The following PPP3CA variants were observed in gnomAD, a reference collection of about 807,000 sequenced individuals.
PPP3CA encodes the protein CAM-PRP catalytic subunit.
A neutral mutation model predicts 66.5 loss-of-function variants in PPP3CA; 14 were observed. The ratio of observed to expected loss-of-function variants is 0.21; its 90% CI spans 0.14 to 0.33. The LOEUF (loss-of-function observed/expected upper bound fraction) is 0.33, where lower values mean the gene tolerates loss of function less well. Ranked by LOEUF, PPP3CA falls within the 10% of genes least tolerant of loss-of-function variation. PPP3CA has a pLI of 1.00. For missense variants in PPP3CA, 317 were observed against 639.5 expected (o/e 0.50, Z 5.44); for synonymous variants, 232 against 226.2 (o/e 1.03, Z -0.23).
intron 1 of PPP3CA, among the ~76,000 whole-genome samples, chr4:101,336,139 C>G (rs1017896818): frequency 1.3e-5 from 2 of 150,218 alleles, no homozygotes; most frequent in African/African-American, 4.9e-5. Context: ...GGCTTGAATC[C>G]AGGAGGCGGA....
intron 2 of PPP3CA, among the ~76,000 whole-genome samples, chr4:101,182,813 T>C (rs1273925006): frequency 6.6e-6 from 1 of 152,118 alleles, no homozygotes; most frequent in Non-Finnish European, 1.5e-5. Flanking sequence ...CTCATGCTGG[T>C]CTCATGATAA....
chr4:101,155,514 G>C (rs966660225), intron 2 of PPP3CA, among the ~76,000 whole-genome samples: 3 of 152,186 alleles, frequency 2.0e-5, no homozygotes, highest in African/African-American at 7.2e-5. Context: ...TCCAAGATCA[G>C]AAAGCAGTAT....
chr4:101,262,937 G>A (rs1462004085), intron 1 of PPP3CA, among the ~76,000 whole-genome samples: 3 of 152,078 alleles, frequency 2.0e-5, no homozygotes, highest in Non-Finnish European at 4.4e-5. Context: ...AAAGGAAGGA[G>A]GAAGGTGCAG....
intron 1 of PPP3CA, among the ~76,000 whole-genome samples, chr4:101,210,402 T>C (rs895833290): frequency 2.0e-5 from 3 of 152,182 alleles, no homozygotes; most frequent in Non-Finnish European, 2.9e-5. Context: ...AACCGTACCA[T>C]CTTGAGCACA....
intron 2 of PPP3CA, among the ~76,000 whole-genome samples, chr4:101,173,742 T>C (rs1723960885): frequency 6.6e-6 from 1 of 152,184 alleles, no homozygotes; most frequent in African/African-American, 2.4e-5. Flanking sequence ...ATTTGGAATT[T>C]TGCATTTAAA....
At position 101,090,853 on chromosome 4, in the gene PPP3CA, A is replaced by G. The variant is rs202037243; in HGVS notation, c.782+2923T>C. Among the ~76,000 whole-genome samples the G allele has an allele frequency of 3.5e-4, 52 of 147,952 alleles. 1 individual carries two copies. In the East Asian group the frequency reaches 9.5e-3, roughly 27 times the overall value. ...ATATAGACATATCTGTGTCTATATT[A>G]TAATATACACACATATCTGTGTCTA... On this transcript the variant is annotated intron_variant, in intron 6 of 13. Transcript: ENST00000394854.
At chr4:101,253,484 A>G (rs1056534240) in intron 1 of PPP3CA, among the ~76,000 whole-genome samples, 2 of 152,150 alleles carry the variant, frequency 1.3e-5, no homozygotes, top group Non-Finnish European at 2.9e-5. Context: ...TTCAAGGGTT[A>G]CATTCTATTT....
At chr4:101,151,271 T>A (rs906934759) in intron 2 of PPP3CA, among the ~76,000 whole-genome samples, 1 of 152,130 alleles carries the variant, frequency 6.6e-6, no homozygotes, top group African/African-American at 2.4e-5. Flanking sequence ...CATATAGAAA[T>A]GTTTACTCTC....
rs191956125 is a variant in PPP3CA, at chr4:101,264,528, G to A, written c.59-68412C>T. Among the ~76,000 whole-genome samples the A allele has an allele frequency of 3.3e-5, 5 of 152,264 alleles. No homozygotes were observed. The East Asian group carries it at 9.6e-4, about 29-fold the overall frequency. ...CATTTCCTTTGAAAACATTCTTCAT[G>A]AATCAGTTTTTTGAGACCAGCAAGC... On this transcript the variant is annotated intron_variant, in intron 1 of 13. Transcript: ENST00000394854.
intron 8 of PPP3CA, among the ~76,000 whole-genome samples, chr4:101,071,620 C>T (rs928404364): frequency 2.0e-5 from 3 of 152,124 alleles, no homozygotes; most frequent in African/African-American, 7.2e-5. Flanking sequence ...TTTTGATTGA[C>T]CCTTTTCAGC....
chr4:101,261,366 G>A (rs1727004448), intron 1 of PPP3CA, among the ~76,000 whole-genome samples: 1 of 152,000 alleles, frequency 6.6e-6, no homozygotes, highest in South Asian at 2.1e-4. Context: ...ATCTAGCACT[G>A]AGCACTCCAG....
intron 1 of PPP3CA, among the ~76,000 whole-genome samples, chr4:101,331,524 A>G (rs1729386540): frequency 6.6e-6 from 1 of 152,182 alleles, no homozygotes; most frequent in Non-Finnish European, 1.5e-5. Context: ...AATGTTGCCA[A>G]CATTTGTGAT....
chr4:101,335,834 C>A (rs1490929678), intron 1 of PPP3CA, among the ~76,000 whole-genome samples: 1 of 152,114 alleles, frequency 6.6e-6, no homozygotes, highest in East Asian at 1.9e-4. Flanking sequence ...CAAGATCAAC[C>A]TTTGTTCACT....
intron 2 of PPP3CA, among the ~76,000 whole-genome samples, chr4:101,142,050 TA>T (rs34130592): frequency 0.35 from 46,363 of 132,984 alleles, 9,774 homozygotes; most frequent in African/African-American, 0.64. Context: ...GGAAACAAGG[TA>T]AAAAAAAAAA....
chr4:101,144,122 G>A (rs140167776), intron 2 of PPP3CA, among the ~76,000 whole-genome samples: 177 of 152,126 alleles, frequency 1.2e-3, no homozygotes, highest in African/African-American at 3.9e-3. Context: ...TGGTTCAAGC[G>A]CTGTCTGGAC....
intron 1 of PPP3CA, among the ~76,000 whole-genome samples, chr4:101,246,000 C>G (rs570842226): frequency 6.6e-6 from 1 of 151,964 alleles, no homozygotes; most frequent in African/African-American, 2.4e-5. Flanking sequence ...CCACCTATCT[C>G]TGCCTCCTCG....
intron 1 of PPP3CA, among the ~76,000 whole-genome samples, chr4:101,314,372 G>C (rs2110314177): frequency 6.6e-6 from 1 of 151,988 alleles, no homozygotes; most frequent in African/African-American, 2.4e-5. Context: ...AGACCATCCT[G>C]GCTAACATGG....
intron 1 of PPP3CA, among the ~76,000 whole-genome samples, chr4:101,346,136 TC>T (rs1193941827): frequency 6.9e-6 from 1 of 145,202 alleles, no homozygotes; most frequent in Non-Finnish European, 1.5e-5. Flanking sequence ...AGCGCCGGGC[TC>T]CCCCCACGCT....
At chr4:101,088,876 T>G (rs542491019) in intron 6 of PPP3CA, among the ~76,000 whole-genome samples, 1 of 152,242 alleles carries the variant, frequency 6.6e-6, no homozygotes, top group African/African-American at 2.4e-5. Flanking sequence ...AAAGATGTGA[T>G]GACTGGTGGT....
Sources: gnomAD v4.1 joint callset for allele counts (sites outside exome capture counted in the v4.1 genomes callset) on GRCh38, gnomAD v4.1.1 for gene constraint, MANE v1.5 for transcripts, NCBI Gene and HGNC (gene_info 2026-07-23, HGNC 2026-07-21) for gene names.